ZNF860: variants seen among roughly 807,000 people sequenced by gnomAD.
The protein encoded by ZNF860 is zinc finger protein 860.
For synonymous variants in ZNF860, 206 were observed against 248.9 expected, an observed-to-expected ratio of 0.83 and a Z score of 1.62; for missense variants, 641 against 759.2, an observed-to-expected ratio of 0.84 and a Z score of 1.83.
chr3:31,996,212 C>G (rs1699089082), downstream of ZNF860, among the ~76,000 whole-genome samples: 2 of 152,162 alleles, frequency 1.3e-5, no homozygotes, highest in African/African-American at 2.4e-5. Flanking sequence ...ACAAAATATT[C>G]TAGAGACATA....
chr3:31,981,773 C>A lies in ZNF860; in HGVS notation c.-550C>A, dbSNP rs752396022. On this transcript the variant is annotated 5_prime_UTR_variant, in exon 1 of 2. Coordinates refer to ENST00000360311, the MANE Select transcript of ZNF860 (RefSeq NM_001137674.3). This position sits in a 1 kb window ranked among gnomAD's most constrained non-coding sequence, Gnocchi z 4.5. ...ACGCACACTCCCTCTCTCGGTCTTC[C>A]GCACACGATGCTGCGCCAGACGCTC... is the stretch of plus-strand genomic sequence containing the variant. The A allele has an allele frequency of 6.6e-6, 1 of 152,306 alleles. No individual in the cohort carries two copies. Among genetic ancestry groups the A allele is most frequent in the Non-Finnish European group, 1.5e-5 (1 of 68,154 alleles). The allele number at this position is 152,306 out of a possible 1,614,324, so 9.4% of individuals were successfully genotyped here.
chr3:32,003,437 C>T, the ZNF860 span, among the ~76,000 whole-genome samples: 1 of 152,138 alleles, frequency 6.6e-6, no homozygotes, highest in African/African-American at 2.4e-5. Flanking sequence ...GTAGACTTGC[C>T]CTGAACCATC....
the ZNF860 span, among the ~76,000 whole-genome samples, chr3:32,002,800 C>T: frequency 1.5e-5 from 2 of 129,350 alleles, no homozygotes; most frequent in African/African-American, 5.3e-5. Flanking sequence ...GGGAGAAATA[C>T]TATTTATTGT....
intron 1 of ZNF860, among the ~76,000 whole-genome samples, chr3:31,982,797 A>C (rs989562586): frequency 2.0e-5 from 3 of 152,242 alleles, no homozygotes; most frequent in African/African-American, 7.2e-5. Context: ...GGCTGTAATA[A>C]ACTATGCAAG....
chr3:31,992,821 A>G (rs532428859), downstream of ZNF860, among the ~76,000 whole-genome samples: 4 of 152,294 alleles, frequency 2.6e-5, no homozygotes, highest in African/African-American at 9.6e-5. Context: ...TAGCAAGGTA[A>G]CATCTGTCCA....
chr3:31,985,813 C>T (rs1275937005), intron 1 of ZNF860, among the ~76,000 whole-genome samples: 1 of 152,210 alleles, frequency 6.6e-6, no homozygotes, highest in Non-Finnish European at 1.5e-5. Flanking sequence ...ATGTGCTAGA[C>T]TCTGCTTTAA....
At chr3:31,993,055 G>A (rs35108900), downstream of ZNF860, among the ~76,000 whole-genome samples, 50,685 of 151,772 alleles carry the variant, frequency 0.33, 11,538 homozygotes, top group African/African-American at 0.64. Flanking sequence ...TATGGGTAAG[G>A]AAATGAAAGG....
At chr3:32,000,448 C>G in the ZNF860 span, among the ~76,000 whole-genome samples, 22 of 152,198 alleles carry the variant, frequency 1.4e-4, no homozygotes, top group African/African-American at 5.3e-4. Flanking sequence ...GAAGATCACC[C>G]CACCACACCA....
downstream of ZNF860, among the ~76,000 whole-genome samples, chr3:31,994,340 CAT>C (rs1210136125): frequency 6.6e-6 from 1 of 152,130 alleles, no homozygotes; most frequent in Non-Finnish European, 1.5e-5. Flanking sequence ...CTCCAGGCCT[CAT>C]AGAAACTCAT....
the ZNF860 span, among the ~76,000 whole-genome samples, chr3:32,004,115 CTT>C: frequency 6.6e-6 from 1 of 152,172 alleles, no homozygotes; most frequent in Admixed American, 6.5e-5. Flanking sequence ...CTAGTTTTAA[CTT>C]ATATTATTTT....
At chr3:31,985,347 C>T (rs1230264547) in intron 1 of ZNF860, among the ~76,000 whole-genome samples, 1 of 152,090 alleles carries the variant, frequency 6.6e-6, no homozygotes, top group Non-Finnish European at 1.5e-5. Flanking sequence ...AAATTTTAAA[C>T]GTAAATAGAA....
Position 31,989,562 on chromosome 3 carries a change from G to C in ZNF860, c.483G>C (p.Ser161=). The C allele has an allele frequency of 6.2e-7, 1 of 1,614,126 alleles. No homozygotes were observed. ...ATCAGCTTGGATTAAGCTTTCATTC[G>C]CATCTTCCTGAACTCCACATATTTC... ...IKDQLGLSFH[S]HLPELHIFQT... is the part of the protein sequence containing the mutation. The change falls in exon 2 of 2, where the codon TCG becomes TCC. Residue 161 remains serine, a synonymous_variant. Transcript: ENST00000360311.
chr3:32,003,607 G>A, the ZNF860 span, among the ~76,000 whole-genome samples: 98 of 152,328 alleles, frequency 6.4e-4, no homozygotes, highest in Admixed American at 1.5e-3. Flanking sequence ...TCAAGGTCCT[G>A]GGAGGGAACA....
chr3:31,990,491 T>TGCCA lies in ZNF860; in HGVS notation c.1412_1413insGCCA (p.Ile471MetfsTer4), dbSNP rs778060406. 2.8e-5 allele frequency: 44 copies of TGCCA among 1,549,242 alleles called. No individual in the cohort carries two copies. In the African/African-American group the frequency reaches 5.6e-4, roughly 20 times the overall value. ...TTCCATCACAATTCAGCCCTTGTAA[T>TGCCA]TCATAAGGCAATTCATACTGGAGAG... is the stretch of plus-strand genomic sequence containing the variant. On this transcript the variant is annotated frameshift_variant, in exon 2 of 2. Transcript: ENST00000360311. LOFTEE classifies it low-confidence loss of function (END_TRUNC).
At chr3:32,005,698 C>T in the ZNF860 span, among the ~76,000 whole-genome samples, 1 of 152,116 alleles carries the variant, frequency 6.6e-6, no homozygotes, top group Non-Finnish European at 1.5e-5. Flanking sequence ...AGCAATTCTC[C>T]TGCCTCAGCC....
Position 31,990,236 on chromosome 3 carries a change from T to C in ZNF860, c.1157T>C (p.Ile386Thr), listed in dbSNP as rs187560391. The C allele has an allele frequency of 1.9e-6, 3 of 1,614,018 alleles. No individual in the cohort carries two copies. Among genetic ancestry groups the C allele is most frequent in the Middle Eastern group, 1.7e-4 (1 of 6,060 alleles). The change falls in exon 2 of 2, where the codon ATT (isoleucine) becomes ACT (threonine). Residue 386 changes from isoleucine to threonine, a missense_variant. Ile to Thr is a moderately conservative substitution (Grantham distance 89). Transcript: ENST00000360311. ...GCCTTTAGTGGGCAGTCAACACTTATTCACCATCAAGCAATCCATGGTATA... is the reference window on the plus strand; with the variant it reads ...GCCTTTAGTGGGCAGTCAACACTTACTCACCATCAAGCAATCCATGGTATA... Reference protein sequence around the residue: ...GKAFSGQSTLIHHQAIHGIGK... With the variant: ...GKAFSGQSTLTHHQAIHGIGK...
the ZNF860 span, among the ~76,000 whole-genome samples, chr3:32,002,322 A>G: frequency 1.3e-5 from 2 of 152,252 alleles, no homozygotes; most frequent in African/African-American, 4.8e-5. Flanking sequence ...CATTGCAAAG[A>G]GACCACACAC....
chr3:31,982,366 C>A (rs931889786), intron 1 of ZNF860, among the ~76,000 whole-genome samples: 1 of 152,146 alleles, frequency 6.6e-6, no homozygotes, highest in Non-Finnish European at 1.5e-5. Context: ...CTCTCACACA[C>A]ACACAGACAA....
downstream of ZNF860, among the ~76,000 whole-genome samples, chr3:31,992,536 C>T (rs1366162924): frequency 6.6e-6 from 1 of 152,060 alleles, no homozygotes; most frequent in Non-Finnish European, 1.5e-5. Flanking sequence ...TGGTTTTTGG[C>T]CCCTTTCAGC....
Sources: allele counts gnomAD v4.1 joint callset (sites outside exome capture counted in the v4.1 genomes callset), GRCh38; gene constraint gnomAD v4.1.1; non-coding constraint Gnocchi (gnomAD v3.1); transcripts MANE v1.5; gene names NCBI Gene and HGNC (gene_info 2026-07-23, HGNC 2026-07-21).